SLC6A11: variants seen among roughly 807,000 people sequenced by gnomAD.
The protein encoded by SLC6A11 is solute carrier family 6 member 11.
A neutral mutation model predicts 74.8 loss-of-function variants in SLC6A11; 25 were observed. The ratio of observed to expected loss-of-function variants is 0.33; its 90% CI spans 0.24 to 0.47. The LOEUF is 0.47. Ranked by LOEUF, SLC6A11 falls within the 20% of genes least tolerant of loss-of-function variation. SLC6A11 has a pLI of 1.00. For missense variants in SLC6A11, 574 were observed against 837.0 expected, an observed-to-expected ratio of 0.69 and a Z score of 3.88; for synonymous variants, 330 against 330.2, an observed-to-expected ratio of 1.00 and a Z score of 0.01.
rs142523414 is a variant in SLC6A11, at chr3:10,871,268, A to G, written c.757-3693A>G. 1.1e-4 allele frequency among the ~76,000 whole-genome samples: 16 copies of G among 152,308 alleles called. No homozygotes were observed. The East Asian group carries it at 2.9e-3, about 28-fold the overall frequency. On this transcript the variant is annotated intron_variant, in intron 5 of 13. Transcript: ENST00000254488. ...TAACCAGCAAGCATAATCACATCAA[A>G]GTGGCCCCACAGGTGAAGGACAAAT...
At chr3:10,861,141 T>G (rs993728665) in intron 5 of SLC6A11, among the ~76,000 whole-genome samples, 2 of 152,226 alleles carry the variant, frequency 1.3e-5, no homozygotes, top group African/African-American at 4.8e-5. Flanking sequence ...CTTGTTCCTA[T>G]GCCTAACACA....
At chr3:10,849,121 C>G (rs1456830125) in intron 5 of SLC6A11, among the ~76,000 whole-genome samples, 1 of 152,166 alleles carries the variant, frequency 6.6e-6, no homozygotes, top group Non-Finnish European at 1.5e-5. Context: ...TAGATATTTT[C>G]CCTCACTCTA....
At chr3:10,821,606 A>G (rs1694138885) in intron 3 of SLC6A11, among the ~76,000 whole-genome samples, 1 of 152,210 alleles carries the variant, frequency 6.6e-6, no homozygotes, top group Admixed American at 6.5e-5. Context: ...ACCAAATAGC[A>G]TTATCCTATG....
At chr3:10,914,833 G>A (rs1434456574) in intron 7 of SLC6A11, among the ~76,000 whole-genome samples, 2 of 152,174 alleles carry the variant, frequency 1.3e-5, no homozygotes, top group African/African-American at 2.4e-5. Flanking sequence ...TACACTGTCT[G>A]TGTACAGTAT....
chr3:10,855,215 C>T (rs988941361), intron 5 of SLC6A11, among the ~76,000 whole-genome samples: 1 of 152,178 alleles, frequency 6.6e-6, no homozygotes, highest in African/African-American at 2.4e-5. Flanking sequence ...CTGATACAAG[C>T]ATCCTGTGGA....
chr3:10,902,863 A>G (rs1695257853), intron 6 of SLC6A11, among the ~76,000 whole-genome samples: 1 of 152,178 alleles, frequency 6.6e-6, no homozygotes, highest in Admixed American at 6.5e-5. Flanking sequence ...CAGTGTGTAC[A>G]TTTCTCTAAA....
At chr3:10,928,046 C>T (rs1004838598) in intron 9 of SLC6A11, among the ~76,000 whole-genome samples, 2 of 152,190 alleles carry the variant, frequency 1.3e-5, no homozygotes, top group Non-Finnish European at 2.9e-5. Flanking sequence ...ACTCCCTCCT[C>T]TGTGCTTCTG....
chr3:10,917,121 G>C (rs979334436), intron 7 of SLC6A11, among the ~76,000 whole-genome samples: 1 of 152,144 alleles, frequency 6.6e-6, no homozygotes, highest in Admixed American at 6.5e-5. Context: ...AATTGGTAAG[G>C]GAACTGGAAT....
chr3:10,906,642 C>T (rs1456510167), intron 6 of SLC6A11, among the ~76,000 whole-genome samples: 2 of 152,112 alleles, frequency 1.3e-5, no homozygotes, highest in Non-Finnish European at 2.9e-5. Context: ...CAAATTTGGG[C>T]AGAGGTCTGG....
Position 10,940,490 on chromosome 3 carries a change from TA to T in SLC6A11, c.*2090del, listed in dbSNP as rs1695811836. 1 of 150,672 alleles carries T rather than the reference TA, an allele frequency of 6.6e-6. No individual in the cohort carries two copies. Among genetic ancestry groups the T allele is most frequent in the South Asian group, 2.1e-4 (1 of 4,786 alleles). The allele number at this position is 150,672 out of a possible 1,614,324, so 9.3% of individuals were successfully genotyped here. A position where few individuals can be genotyped will look rare whatever the true frequency, so the allele number is the denominator to read the frequency against. On this transcript the variant is annotated 3_prime_UTR_variant, in exon 14 of 14. Coordinates refer to ENST00000254488, the MANE Select transcript of SLC6A11 (RefSeq NM_014229.3). ...TTGTAATTTCCTACTAGTATTTGGGTAACTTTGGGGGTGGGGAGGGCAATGT... is the reference window on the plus strand; with the variant it reads ...TTGTAATTTCCTACTAGTATTTGGGTACTTTGGGGGTGGGGAGGGCAATGT...
At chr3:10,881,716 G>A (rs890461264) in intron 6 of SLC6A11, among the ~76,000 whole-genome samples, 1 of 152,224 alleles carries the variant, frequency 6.6e-6, no homozygotes, top group African/African-American at 2.4e-5. Context: ...GGCACGTGCA[G>A]GTCAGCAGGT....
intron 5 of SLC6A11, among the ~76,000 whole-genome samples, chr3:10,852,750 T>A (rs1271612064): frequency 6.6e-6 from 1 of 152,244 alleles, no homozygotes; most frequent in African/African-American, 2.4e-5. Context: ...CACCAAATAA[T>A]CAAAGTGGTT....
At chr3:10,818,639 G>A (rs138946096) in intron 1 of SLC6A11, among the ~76,000 whole-genome samples, 45 of 152,288 alleles carry the variant, frequency 3.0e-4, no homozygotes, top group Non-Finnish European at 4.3e-4. Flanking sequence ...AGTTAAAGCC[G>A]TCATTTGTGA....
rs76685351 is a variant in SLC6A11, at chr3:10,902,643, A to G, written c.892-9447A>G. Among the ~76,000 whole-genome samples, 250 of 152,336 alleles carry G rather than the reference A, an allele frequency of 1.6e-3. 6 individuals carry two copies. In the East Asian group the frequency reaches 0.045, roughly 28 times the overall value. ...TGCATAGCAGTAAGCGAAAGAGCAG[A>G]GCTCCAAGCTGGGTCTGCTGACCCC... On this transcript the variant is annotated intron_variant, in intron 6 of 13. Transcript: ENST00000254488.
chr3:10,856,925 A>T (rs1314549104), intron 5 of SLC6A11, among the ~76,000 whole-genome samples: 1 of 152,156 alleles, frequency 6.6e-6, no homozygotes, highest in Non-Finnish European at 1.5e-5. Context: ...ACGGGTTGTT[A>T]TAAGGCTCAA....
chr3:10,882,382 A>ACCACC (rs1235985903), intron 6 of SLC6A11, among the ~76,000 whole-genome samples: 1 of 151,920 alleles, frequency 6.6e-6, no homozygotes, highest in Non-Finnish European at 1.5e-5. Flanking sequence ...AAATCTTACC[A>ACCACC]CCACCCCACG....
At chr3:10,875,647 A>T (rs1694898504) in intron 6 of SLC6A11, among the ~76,000 whole-genome samples, 1 of 152,168 alleles carries the variant, frequency 6.6e-6, no homozygotes, top group Non-Finnish European at 1.5e-5. Context: ...AGCTCGTAGT[A>T]AAAAAAGAGT....
At chr3:10,899,621 G>T (rs758985348) in intron 6 of SLC6A11, among the ~76,000 whole-genome samples, 3 of 152,180 alleles carry the variant, frequency 2.0e-5, no homozygotes, top group Non-Finnish European at 4.4e-5. Context: ...CTCCTTTCCT[G>T]CCCTCTAGGC....
At chr3:10,852,702 TC>T (rs1694591503) in intron 5 of SLC6A11, among the ~76,000 whole-genome samples, 1 of 152,220 alleles carries the variant, frequency 6.6e-6, no homozygotes, top group African/African-American at 2.4e-5. Context: ...CACATGGGTC[TC>T]CCTGGGAAAC....
Sources: gnomAD v4.1 joint callset for allele counts (sites outside exome capture counted in the v4.1 genomes callset) on GRCh38, gnomAD v4.1.1 for gene constraint, MANE v1.5 for transcripts, NCBI Gene and HGNC (gene_info 2026-07-23, HGNC 2026-07-21) for gene names.